ADGRL1: variants seen among roughly 807,000 people sequenced by gnomAD.
ADGRL1 encodes CIRL-1.
Under a neutral mutation model 148.9 loss-of-function variants are expected in ADGRL1, and 31 were observed. The ratio of observed to expected loss-of-function variants is 0.21; its 90% CI spans 0.16 to 0.28. The LOEUF is 0.28. ADGRL1 is among the 10% of genes least tolerant of loss of function. The pLI is 1.00. For synonymous variants in ADGRL1, 937 were observed against 900.3 expected (o/e 1.04, Z -0.73); for missense variants, 1,521 against 2,058.8 (o/e 0.74, Z 5.05).
rs757064884 is a variant in ADGRL1 at position 14,177,750 on chromosome 19, G to C, written c.71-6C>G. ...GAGCCCGGCCCGGCTCAGGCCTGCA[G>C]GGAGGGTTGGGGATGGTGTCACTCC... On this transcript the variant is annotated splice_region_variant and splice_polypyrimidine_tract_variant and intron_variant, in intron 2 of 22. Coordinates refer to ENST00000361434, the MANE Select transcript of ADGRL1 (RefSeq NM_014921.5). 5 of 1,606,964 alleles carry C rather than the reference G, an allele frequency of 3.1e-6. No homozygotes were observed. Among genetic ancestry groups the C allele is most frequent in the Non-Finnish European group, 3.4e-6 (4 of 1,178,184 alleles).
intron 1 of ADGRL1, among the ~76,000 whole-genome samples, chr19:14,205,055 G>A (rs1282357371): frequency 2.6e-5 from 4 of 152,084 alleles, no homozygotes; most frequent in Non-Finnish European, 5.9e-5. Flanking sequence ...ACAGGGGTGT[G>A]TGTAGCCAGC....
Position 14,159,072 on chromosome 19 carries a change from CCCG to C in ADGRL1, c.2149+15_2149+17del. ...GTGGGGCTGCTTCCCCACCCGAGGCCCCGCCGGGGACACTGACCATTGCGGCTG... is the reference window on the plus strand; with the variant it reads ...GTGGGGCTGCTTCCCCACCCGAGGCCCCGGGGACACTGACCATTGCGGCTG... On this transcript the variant is annotated intron_variant, in intron 11 of 22. Transcript: ENST00000361434. This position sits in a 1 kb window ranked among gnomAD's most constrained non-coding sequence, Gnocchi z 6.0. 6.2e-7 allele frequency: 1 copy of C among 1,612,902 alleles called. No homozygotes were observed. The highest frequency in any genetic ancestry group is 1.1e-5 in the South Asian group (1 of 91,022).
Position 14,151,039 on chromosome 19 carries a change from G to T in ADGRL1, c.4244C>A (p.Pro1415His). Residue 1415 changes from proline (P) to histidine (H), a missense_variant, in exon 23 of 23, where the codon CCC becomes CAC. Coordinates refer to ENST00000361434, the MANE Select transcript of ADGRL1 (RefSeq NM_014921.5). ...PPPPPAPPGP[P>H]EIYYTSRPPA... ...CGGGCGCGAGGTGTAGTAGATTTCG[G>T]GGGGGCCGGGGGGTGCGGGAGGGGG... The T allele has an allele frequency of 6.6e-7, 1 of 1,505,962 alleles. No individual in the cohort carries two copies. Among genetic ancestry groups the T allele is most frequent in the African/African-American group, 1.4e-5 (1 of 72,112 alleles). The allele number at this position is 1,505,962 out of a possible 1,614,324, so 93.3% of individuals were successfully genotyped here. A position where few individuals can be genotyped will look rare whatever the true frequency, so the allele number is the denominator to read the frequency against.
chr19:14,178,550 CCT>C (rs1172787521), intron 2 of ADGRL1, among the ~76,000 whole-genome samples: 2 of 152,014 alleles, frequency 1.3e-5, no homozygotes, highest in Non-Finnish European at 2.9e-5. Context: ...ATAGGATCTT[CCT>C]CTGTCACCCA....
At position 14,162,858 on chromosome 19, in the gene ADGRL1, T is replaced by C. The variant is rs776595306; in HGVS notation, c.943A>G (p.Met315Val). The stretch of plus-strand genomic sequence containing the variant: ...AGGACGTACAGGACCCCACACACCA[T>C]GAAGGCGTTGGATGCCGAGCGCTTG... ...YDKRSASNAF[M>V]VCGVLYVLRS... The change falls in exon 5 of 23, where the codon ATG (methionine) becomes GTG (valine). Residue 315 changes from methionine to valine, a missense_variant. Physicochemically the swap from Met to Val is conservative, Grantham distance 21 (BLOSUM62 1). Coordinates refer to ENST00000361434, the MANE Select transcript of ADGRL1 (RefSeq NM_014921.5). The surrounding 1 kb of genome is among the most constrained non-coding windows in gnomAD (Gnocchi z 5.4). 6 of 1,613,988 alleles carry C rather than the reference T, an allele frequency of 3.7e-6. No homozygotes were observed. In the Admixed American group the frequency reaches 8.3e-5, roughly 22 times the overall value.
At chr19:14,158,190 G>A in intron 12 of ADGRL1, 138 bp from the exon 13 acceptor site, 1 of 1,221,766 alleles carries the variant, frequency 8.2e-7, no homozygotes. Flanking sequence ...TTGACATTCT[G>A]AGAGCTCTGG....
chr19:14,189,480 T>G (rs1971797302), intron 1 of ADGRL1, among the ~76,000 whole-genome samples: 1 of 152,234 alleles, frequency 6.6e-6, no homozygotes, highest in African/African-American at 2.4e-5. Flanking sequence ...TCTGCCCATC[T>G]TGGCCTCGTA....
In ADGRL1 at chr19:14,152,874, G is replaced by C; in HGVS notation, c.3333C>G (p.Tyr1111Ter). ...CCCCGGGTGGGGAGCGGATGCAGCA[G>C]TAGGAGTGACGCAGGCACTTGCTGT... ...KEYSKCLRHS[Y>*]CCIRSPPGGT... The change falls in exon 19 of 23, where the codon TAC becomes TAG. Residue 1111 changes from tyrosine (Y) to a stop codon, truncating the protein, a stop_gained. Coordinates refer to ENST00000361434, the MANE Select transcript of ADGRL1 (RefSeq NM_014921.5). LOFTEE classifies it high-confidence loss of function. This position sits in a 1 kb window ranked among gnomAD's most constrained non-coding sequence, Gnocchi z 6.1. 1 of 1,614,194 alleles carries C rather than the reference G, an allele frequency of 6.2e-7. No individual in the cohort carries two copies. Among genetic ancestry groups the C allele is most frequent in the Non-Finnish European group, 8.5e-7 (1 of 1,180,006 alleles).
rs1313430661 is a variant in ADGRL1, at chr19:14,155,446, C to CTCCTTGTTG, written c.3198_3206dup (p.Lys1068_Glu1069insAspAsnLys). 1 of 1,614,190 alleles carries CTCCTTGTTG rather than the reference C, an allele frequency of 6.2e-7. No individual in the cohort carries two copies. The highest frequency in any genetic ancestry group is 2.2e-5 in the East Asian group (1 of 44,888). ...TGAAGAGATAGGCCATGACCACCGA[C>CTCCTTGTTG]TCCTTGTTGATGAAGAGGAGGCCGA... On this transcript the variant is annotated inframe_insertion, in exon 18 of 23. Coordinates refer to ENST00000361434, the MANE Select transcript of ADGRL1 (RefSeq NM_014921.5). The surrounding 1 kb of genome is among the most constrained non-coding windows in gnomAD (Gnocchi z 5.0).
At chr19:14,190,111 AG>A (rs1301183374) in intron 1 of ADGRL1, among the ~76,000 whole-genome samples, 3 of 152,040 alleles carry the variant, frequency 2.0e-5, no homozygotes, top group African/African-American at 7.2e-5. Flanking sequence ...TATTTTTAGT[AG>A]AGATGGAGTC....
intron 1 of ADGRL1, among the ~76,000 whole-genome samples, chr19:14,184,665 A>C (rs1340199657): frequency 7.2e-6 from 1 of 138,930 alleles, no homozygotes; most frequent in Non-Finnish European, 1.5e-5. Context: ...TCTGAGACGG[A>C]GTCGTGCTCT....
intron 3 of ADGRL1, 60 bp from the exon 4 acceptor site, chr19:14,170,851 G>C: frequency 1.2e-6 from 1 of 828,758 alleles, no homozygotes; most frequent in Non-Finnish European, 2.0e-6. Context: ...CGGGGGTGGG[G>C]GTGCATGCTC....
chr19:14,187,135 G>C (rs1370239491), intron 1 of ADGRL1, among the ~76,000 whole-genome samples: 5 of 152,078 alleles, frequency 3.3e-5, no homozygotes, highest in Non-Finnish European at 5.9e-5. Flanking sequence ...GTGGGAGTTC[G>C]AGACCAGCCT....
intron 4 of ADGRL1, 94 bp from the exon 5 acceptor site, chr19:14,163,500 G>T: frequency 3.2e-6 from 3 of 947,074 alleles, no homozygotes; most frequent in Non-Finnish European, 4.6e-6. Context: ...GAGAGAGAGG[G>T]GGGAGAGAGG....
chr19:14,165,146 A>G (rs771675835), intron 4 of ADGRL1, among the ~76,000 whole-genome samples: 7 of 152,128 alleles, frequency 4.6e-5, no homozygotes, highest in Non-Finnish European at 8.8e-5. Context: ...CAGCATGGGA[A>G]CAATGTGGCT....
In ADGRL1 at chr19:14,160,796, A is replaced by G. The variant is rs1034492857; in HGVS notation, c.1511-100T>C. On this transcript the variant is annotated intron_variant, in intron 6 of 22. Coordinates refer to ENST00000361434, the MANE Select transcript of ADGRL1 (RefSeq NM_014921.5). This position sits in a 1 kb window ranked among gnomAD's most constrained non-coding sequence, Gnocchi z 5.9. ...AGGAGATGACAGAGAGTGGGGGACG[A>G]GCGGGCGAAGAGGGAGGTGAGGGAA... 4 of 742,444 alleles carry G rather than the reference A, an allele frequency of 5.4e-6. No individual in the cohort carries two copies. The highest frequency in any genetic ancestry group is 5.1e-5 in the African/African-American group (3 of 58,310). The allele number at this position is 742,444 out of a possible 1,614,324, so 46.0% of individuals were successfully genotyped here.
chr19:14,179,437 T>C (rs1971041014), intron 2 of ADGRL1, among the ~76,000 whole-genome samples: 1 of 151,434 alleles, frequency 6.6e-6, no homozygotes, highest in Non-Finnish European at 1.5e-5. Context: ...GGGCTTGCAG[T>C]GAGCTGAGAT....
intron 1 of ADGRL1, among the ~76,000 whole-genome samples, chr19:14,197,437 GATCTTTGCA>G (rs958037594): frequency 3.3e-5 from 5 of 151,458 alleles, no homozygotes; most frequent in Admixed American, 1.3e-4. Flanking sequence ...AGGTCAGAAC[GATCTTTGCA>G]AAATGGAAAT....
Position 14,152,077 on chromosome 19 carries a change from C to T in ADGRL1, c.3667+56G>A. On this transcript the variant is annotated intron_variant, in intron 22 of 22. Transcript: ENST00000361434. This position sits in a 1 kb window ranked among gnomAD's most constrained non-coding sequence, Gnocchi z 6.1. ...CTTAAGTGAGGCCGTCTGAGAAGGC[C>T]ACTGTCTGTCCCTCTCCCAGCCTCA... 6.5e-7 allele frequency: 1 copy of T among 1,539,534 alleles called. No homozygotes were observed. Among genetic ancestry groups the T allele is most frequent in the Non-Finnish European group, 9.0e-7 (1 of 1,112,092 alleles).
Sources: allele counts gnomAD v4.1 joint callset (sites outside exome capture counted in the v4.1 genomes callset), GRCh38; gene constraint gnomAD v4.1.1; non-coding constraint Gnocchi (gnomAD v3.1); transcripts MANE v1.5; gene names NCBI Gene and HGNC (gene_info 2026-07-23, HGNC 2026-07-21).